BANK1: variants seen among roughly 807,000 people sequenced by gnomAD.
BANK1 encodes the protein B-cell scaffold protein with ankyrin repeats.
Under a neutral mutation model 94.5 loss-of-function variants are expected in BANK1, and 95 were observed. That is an observed-to-expected ratio of 1.00 (90% CI 0.85 to 1.19). The LOEUF is 1.19. Among genes scored for constraint, BANK1 ranks in the 50% most tolerant of loss-of-function variants. The pLI, the probability that BANK1 is intolerant of heterozygous loss-of-function variation, is 0.00. For synonymous variants in BANK1, 334 were observed against 308.4 expected (o/e 1.08, Z -0.87); for missense variants, 987 against 932.2 (o/e 1.06, Z -0.77).
At chr4:101,832,581 C>G (rs1325998203) in intron 2 of BANK1, among the ~76,000 whole-genome samples, 3 of 152,100 alleles carry the variant, frequency 2.0e-5, no homozygotes, top group South Asian at 2.1e-4. Context: ...TACTTCCAAT[C>G]TCTTTCGTTT....
At chr4:101,924,326 A>T (rs1424090750) in intron 7 of BANK1, among the ~76,000 whole-genome samples, 2 of 124,618 alleles carry the variant, frequency 1.6e-5, no homozygotes, top group Admixed American at 8.4e-5. Context: ...CCCATTTGTA[A>T]TTCTCAGGAA....
intron 2 of BANK1, among the ~76,000 whole-genome samples, chr4:101,853,687 A>G (rs1268718696): frequency 6.6e-6 from 1 of 152,168 alleles, no homozygotes; most frequent in East Asian, 1.9e-4. Flanking sequence ...TGGAATATTA[A>G]TGACTCTACT....
chr4:101,820,362 G>T (rs1313648386), intron 1 of BANK1, among the ~76,000 whole-genome samples: 1 of 152,178 alleles, frequency 6.6e-6, no homozygotes, highest in Non-Finnish European at 1.5e-5. Flanking sequence ...TCTAACTCTA[G>T]TTACTGATTC....
At chr4:102,029,361 G>T (rs1396921102) in intron 9 of BANK1, among the ~76,000 whole-genome samples, 1 of 151,608 alleles carries the variant, frequency 6.6e-6, no homozygotes, top group Admixed American at 6.6e-5. Flanking sequence ...GAAATATCCA[G>T]TGCAAGCAAT....
chr4:102,005,243 CAAT>C (rs1312904578), intron 7 of BANK1, among the ~76,000 whole-genome samples: 24 of 152,068 alleles, frequency 1.6e-4, no homozygotes, highest in African/African-American at 5.5e-4. Flanking sequence ...TTCAACATGA[CAAT>C]AATCTATGAA....
At chr4:101,902,413 T>G (rs1722316881) in intron 6 of BANK1, among the ~76,000 whole-genome samples, 1 of 152,242 alleles carries the variant, frequency 6.6e-6, no homozygotes, top group Admixed American at 6.5e-5. Context: ...TAAATTATTA[T>G]AAATATTGTT....
At chr4:101,986,873 A>G (rs28758361) in intron 7 of BANK1, among the ~76,000 whole-genome samples, 3,283 of 46,500 alleles carry the variant, frequency 0.071, 251 homozygotes, top group African/African-American at 0.26. Context: ...ATATGTGTGT[A>G]TGTGTGTGTG....
chr4:101,847,927 T>TCTCCCTGTGGAGTTTTA (rs1176227327), intron 2 of BANK1, among the ~76,000 whole-genome samples: 2 of 152,078 alleles, frequency 1.3e-5, no homozygotes, highest in African/African-American at 4.8e-5. Context: ...GAGAATTCCT[T>TCTCCCTGTGGAGTTTTA]CTCCCTGTGG....
intron 1 of BANK1, among the ~76,000 whole-genome samples, chr4:101,795,201 T>A (rs1725114871): frequency 1.3e-5 from 2 of 152,132 alleles, no homozygotes; most frequent in Admixed American, 1.3e-4. Flanking sequence ...ATTTTAGCCT[T>A]CTTGTAATAG....
intron 7 of BANK1, among the ~76,000 whole-genome samples, chr4:101,995,783 G>A (rs1270874416): frequency 3.9e-5 from 6 of 151,990 alleles, no homozygotes; most frequent in Non-Finnish European, 5.9e-5. Context: ...CCCACTTTTT[G>A]ATGGGGTTGT....
At chr4:101,917,863 GAT>G in intron 6 of BANK1, 128 bp from the exon 7 acceptor site, 1 of 523,908 alleles carries the variant, frequency 1.9e-6, no homozygotes, top group South Asian at 5.2e-5. Context: ...TAGAACTATT[GAT>G]AGTTTCTTAC....
At position 101,790,763 on chromosome 4, in the gene BANK1, G is replaced by C. The variant is rs1046904362; in HGVS notation, c.-118G>C. 23 of 1,138,862 alleles carry C rather than the reference G, an allele frequency of 2.0e-5. No homozygotes were observed. The highest frequency in any genetic ancestry group is 2.3e-5 in the Non-Finnish European group (18 of 789,524). 70.5% of individuals were successfully genotyped at this position (1,138,862 alleles called of 1,614,324 possible). A position where few individuals can be genotyped will look rare whatever the true frequency, so the allele number is the denominator to read the frequency against. ...GCCGCAGCCTCCGCGGGTGGCAAGC[G>C]GGCTGGGGAGAGCCGAGGGCCAAAG... On this transcript the variant is annotated 5_prime_UTR_variant, in exon 1 of 17. Coordinates refer to ENST00000322953, the MANE Select transcript of BANK1 (RefSeq NM_017935.5).
intron 7 of BANK1, among the ~76,000 whole-genome samples, chr4:101,937,553 C>CCCT (rs1723610232): frequency 6.6e-6 from 1 of 151,792 alleles, no homozygotes; most frequent in African/African-American, 2.4e-5. Flanking sequence ...CCATCTCATG[C>CCCT]CAGTTAGAAT....
At chr4:101,932,217 T>G (rs1723375025) in intron 7 of BANK1, among the ~76,000 whole-genome samples, 2 of 151,424 alleles carry the variant, frequency 1.3e-5, no homozygotes, top group Admixed American at 1.3e-4. Flanking sequence ...TAGCAAAAGA[T>G]TTTCCACCAA....
In BANK1 at chr4:101,870,216, G is replaced by T. The variant is rs555827006; in HGVS notation, c.764-289G>T. On this transcript the variant is annotated intron_variant, in intron 4 of 16. Coordinates refer to ENST00000322953, the MANE Select transcript of BANK1 (RefSeq NM_017935.5). ...TGTAAAGATTATAGATTATTACAAAGAAAAGTTATACTAGTAAGTAAGTAG... is the reference window on the plus strand; with the variant it reads ...TGTAAAGATTATAGATTATTACAAATAAAAGTTATACTAGTAAGTAAGTAG... Among the ~76,000 whole-genome samples the T allele has an allele frequency of 7.2e-5, 11 of 151,906 alleles. 1 individual carries two copies. Among genetic ancestry groups the T allele is most frequent in the Admixed American group, 2.6e-4 (4 of 15,226 alleles).
At chr4:102,054,320 C>T (rs1279634853) in intron 11 of BANK1, among the ~76,000 whole-genome samples, 2 of 152,058 alleles carry the variant, frequency 1.3e-5, no homozygotes, top group East Asian at 1.9e-4. Context: ...TACAACTTTC[C>T]TGAGCTTTAA....
chr4:101,926,956 GA>G (rs750364067), intron 7 of BANK1, among the ~76,000 whole-genome samples: 3 of 151,764 alleles, frequency 2.0e-5, no homozygotes, highest in Non-Finnish European at 4.4e-5. Flanking sequence ...GATGGCATCA[GA>G]AAGATAAGTA....
chr4:101,957,944 A>T (rs781152667), intron 7 of BANK1, among the ~76,000 whole-genome samples: 1 of 147,730 alleles, frequency 6.8e-6, no homozygotes, highest in South Asian at 2.1e-4. Context: ...TCCCAGGTTC[A>T]CACCATTCTC....
intron 2 of BANK1, among the ~76,000 whole-genome samples, chr4:101,852,470 CTA>C (rs541955636): frequency 0.043 from 4,422 of 103,700 alleles, 96 homozygotes; most frequent in South Asian, 0.058. Context: ...TATTTTTCGG[CTA>C]TATATATATA....
Sources: allele counts gnomAD v4.1 joint callset (sites outside exome capture counted in the v4.1 genomes callset), GRCh38; gene constraint gnomAD v4.1.1; transcripts MANE v1.5; gene names NCBI Gene and HGNC (gene_info 2026-07-23, HGNC 2026-07-21).